The following TRIM38 variants were observed in gnomAD, a reference collection of about 807,000 sequenced individuals.
TRIM38 encodes E3 ubiquitin-protein ligase TRIM38.
TRIM38 carries 35 observed loss-of-function variants against 35.8 expected under a neutral mutation model. That is an observed-to-expected ratio of 0.98 (90% CI 0.75 to 1.30). The LOEUF (loss-of-function observed/expected upper bound fraction) is 1.30. Ranked by LOEUF, TRIM38 falls within the 50% of genes most tolerant of loss-of-function variation. TRIM38 has a pLI of 0.00. For synonymous variants in TRIM38, 198 were observed against 204.7 expected (o/e 0.97, Z 0.28); for missense variants, 545 against 556.9 (o/e 0.98, Z 0.21).
intron 7 of TRIM38, among the ~76,000 whole-genome samples, chr6:25,979,664 CT>C (rs1581608246): frequency 6.7e-6 from 1 of 150,352 alleles, no homozygotes; most frequent in East Asian, 1.9e-4. Context: ...TGTTTTTCCT[CT>C]TTATTGCATT....
chr6:25,965,521 G>A (rs1442197440), intron 2 of TRIM38, among the ~76,000 whole-genome samples: 1 of 152,134 alleles, frequency 6.6e-6, no homozygotes, highest in African/African-American at 2.4e-5. Context: ...CTCTGCCAGG[G>A]TGAGGCAGGA....
chr6:25,965,247 C>G (rs1759987562), intron 2 of TRIM38, among the ~76,000 whole-genome samples: 1 of 152,178 alleles, frequency 6.6e-6, no homozygotes, highest in African/African-American at 2.4e-5. Context: ...TCTGTGATAA[C>G]AGAATGTTGT....
At chr6:25,974,811 C>A in intron 7 of TRIM38, 1 of 890,090 alleles carries the variant, frequency 1.1e-6, no homozygotes, top group Non-Finnish European at 1.3e-6. Context: ...CCAGGGATTT[C>A]AGAAAAGGAA....
intron 2 of TRIM38, 48 bp from the exon 3 acceptor site, chr6:25,966,287 T>C: frequency 2.3e-6 from 1 of 438,432 alleles, no homozygotes. Flanking sequence ...TGGGTTGCAG[T>C]TCTCAAACGT....
rs1380838825 is a variant in TRIM38, at chr6:25,988,649, A to G, written c.*4962A>G. 1 of 151,508 alleles carries G rather than the reference A, an allele frequency of 6.6e-6. No individual in the cohort carries two copies. The highest frequency in any genetic ancestry group is 1.5e-5 in the Non-Finnish European group (1 of 67,962). 9.4% of individuals were successfully genotyped at this position (151,508 alleles called of 1,614,324 possible). ...GCTGGGATTACAGGCTCACGCCACT[A>G]TGCCCGGCTAATTGGGGTTTTCCCA... On this transcript the variant is annotated 3_prime_UTR_variant, in exon 8 of 8. Coordinates refer to ENST00000357085, the MANE Select transcript of TRIM38 (RefSeq NM_006355.5).
intron 4 of TRIM38, among the ~76,000 whole-genome samples, chr6:25,971,230 C>T (rs890927965): frequency 3.9e-5 from 6 of 152,156 alleles, no homozygotes; most frequent in African/African-American, 4.8e-5. Context: ...TCTAGCACTC[C>T]TAACCCAGCT....
At chr6:25,982,502 T>A (rs1320578259) in intron 7 of TRIM38, among the ~76,000 whole-genome samples, 1 of 152,186 alleles carries the variant, frequency 6.6e-6, no homozygotes, top group Non-Finnish European at 1.5e-5. Context: ...TCTTAACTTG[T>A]CTTTTCTCAT....
chr6:25,980,427 T>C (rs1038575802), intron 7 of TRIM38, among the ~76,000 whole-genome samples: 25 of 151,628 alleles, frequency 1.6e-4, no homozygotes, highest in Admixed American at 1.4e-3. Context: ...TTCTTTCTTT[T>C]TTTTTTTTTT....
At chr6:25,977,666 CA>C (rs1226726978) in intron 7 of TRIM38, among the ~76,000 whole-genome samples, 80 of 65,320 alleles carry the variant, frequency 1.2e-3, no homozygotes, top group Admixed American at 2.7e-3. Context: ...GACTCCATCT[CA>C]AAAAAAAAAA....
Position 25,978,823 on chromosome 6 carries a change from T to C in TRIM38, c.875-4341T>C, listed in dbSNP as rs140244465. ...CTGGGACTATTGGTGTGCACCACAATGCCTGGATAATTTTTCATATTTTTT... is the reference window on the plus strand; with the variant it reads ...CTGGGACTATTGGTGTGCACCACAACGCCTGGATAATTTTTCATATTTTTT... On this transcript the variant is annotated intron_variant, in intron 7 of 7. Coordinates refer to ENST00000357085, the MANE Select transcript of TRIM38 (RefSeq NM_006355.5). Among the ~76,000 whole-genome samples, 58 of 152,252 alleles carry C rather than the reference T, an allele frequency of 3.8e-4. 1 individual carries two copies. In the East Asian group the frequency reaches 0.011, roughly 29 times the overall value.
rs563750442 is a variant in TRIM38 at position 25,971,814 on chromosome 6, C to T, written c.508-55C>T. 1,134 of 1,436,912 alleles carry T rather than the reference C, an allele frequency of 7.9e-4. 2 individuals are homozygous for T. The highest frequency in any genetic ancestry group is 1.2e-3 in the South Asian group (104 of 86,196). The allele number at this position is 1,436,912 out of a possible 1,614,324, so 89.0% of individuals were successfully genotyped here. A position where few individuals can be genotyped will look rare whatever the true frequency, so the allele number is the denominator to read the frequency against. The stretch of plus-strand genomic sequence containing the variant: ...TTTCATTCTTGTTTATCCATTCATC[C>T]ATAGATGGACATTTGGTTTACTTCC... On this transcript the variant is annotated intron_variant, in intron 4 of 7. Transcript: ENST00000357085.
chr6:25,967,481 A>G (rs1760091586), intron 3 of TRIM38, among the ~76,000 whole-genome samples: 1 of 150,026 alleles, frequency 6.7e-6, no homozygotes, highest in Non-Finnish European at 1.5e-5. Context: ...CATTTGGGGA[A>G]TGAAGGGTCA....
At position 25,972,045 on chromosome 6, in the gene TRIM38, C is replaced by A. The variant is rs1452948123; in HGVS notation, c.684C>A (p.Ser228Arg). ...GLGLKSNELK[S>R]HILELEEKCQ... ...GGCTGAAGAGCAATGAACTCAAGAG[C>A]CACATCCTGGAACTGGAGGAAAAAT... The change falls in exon 5 of 8, where the codon AGC (serine) becomes AGA (arginine). Residue 228 changes from serine (S) to arginine (R), a missense_variant. Ser to Arg is a moderately radical substitution (Grantham distance 110, BLOSUM62 -1). Coordinates refer to ENST00000357085, the MANE Select transcript of TRIM38 (RefSeq NM_006355.5). 1 of 1,614,104 alleles carries A rather than the reference C, an allele frequency of 6.2e-7. No individual in the cohort carries two copies. The highest frequency in any genetic ancestry group is 2.2e-5 in the East Asian group (1 of 44,870).
At position 25,987,225 on chromosome 6, in the gene TRIM38, C is replaced by A. The variant is rs1336170620; in HGVS notation, c.*3538C>A. 1 of 143,884 alleles carries A rather than the reference C, an allele frequency of 7.0e-6. No individual in the cohort carries two copies. Among genetic ancestry groups the A allele is most frequent in the Non-Finnish European group, 1.5e-5 (1 of 65,940 alleles). 8.9% of individuals were successfully genotyped at this position (143,884 alleles called of 1,614,324 possible). On this transcript the variant is annotated 3_prime_UTR_variant, in exon 8 of 8. Coordinates refer to ENST00000357085, the MANE Select transcript of TRIM38 (RefSeq NM_006355.5). ...CTCCCCGCCCCCCGCCCGCCACACA[C>A]CATCCCCAAAAGGAAATTTCTAATC...
At chr6:25,977,664 CT>C (rs1204015096) in intron 7 of TRIM38, among the ~76,000 whole-genome samples, 4 of 129,146 alleles carry the variant, frequency 3.1e-5, no homozygotes, top group Non-Finnish European at 6.3e-5. Flanking sequence ...AAGACTCCAT[CT>C]CAAAAAAAAA....
At position 25,983,223 on chromosome 6, in the gene TRIM38, A is replaced by G; in HGVS notation, c.934A>G (p.Arg312Gly). 1.9e-6 allele frequency: 3 copies of G among 1,613,708 alleles called. No individual in the cohort carries two copies. Among genetic ancestry groups the G allele is most frequent in the Non-Finnish European group, 2.5e-6 (3 of 1,179,768 alleles). The change falls in exon 8 of 8, where the codon AGA (arginine) becomes GGA (glycine). Residue 312 changes from arginine to glycine, a missense_variant. By Grantham distance (125) the Arg-to-Gly change is moderately radical (BLOSUM62 -2). Transcript: ENST00000357085. ...CGAACTAATTCTCTCTGAGGATCGG[A>G]GACAAGTGACTCGTGGATACACCCA... ...HHELILSEDR[R>G]QVTRGYTQEN...
At position 25,991,202 on chromosome 6, in the gene TRIM38, C is replaced by T. The variant is rs1436007538; in HGVS notation, c.*7515C>T. 1.3e-5 allele frequency: 2 copies of T among 152,174 alleles called. No individual in the cohort carries two copies. The highest frequency in any genetic ancestry group is 2.9e-5 in the Non-Finnish European group (2 of 68,038). The allele number at this position is 152,174 out of a possible 1,614,324, so 9.4% of individuals were successfully genotyped here. ...TGCTTTAATGTGTTGGACACTGGGT[C>T]CATTAAAGATTGTATGTGAAATTAT... On this transcript the variant is annotated 3_prime_UTR_variant, in exon 8 of 8. Coordinates refer to ENST00000357085, the MANE Select transcript of TRIM38 (RefSeq NM_006355.5).
At chr6:25,963,996 G>A (rs1001556717) in intron 2 of TRIM38, among the ~76,000 whole-genome samples, 4 of 152,102 alleles carry the variant, frequency 2.6e-5, no homozygotes, top group African/African-American at 4.8e-5. Flanking sequence ...GGGGATGGGG[G>A]GGGTCGAGGT....
intron 3 of TRIM38, among the ~76,000 whole-genome samples, chr6:25,967,335 A>T (rs1012373976): frequency 6.6e-6 from 1 of 152,166 alleles, no homozygotes; most frequent in African/African-American, 2.4e-5. Context: ...CTAGTAAAGA[A>T]AACAAACCAT....
Sources: allele counts gnomAD v4.1 joint callset (sites outside exome capture counted in the v4.1 genomes callset), GRCh38; gene constraint gnomAD v4.1.1; transcripts MANE v1.5; gene names NCBI Gene and HGNC (gene_info 2026-07-23, HGNC 2026-07-21).